Variants in KMT2C observed in about 807,000 individuals in gnomAD.
KMT2C encodes the protein histone-lysine N-methyltransferase 2C.
A neutral mutation model predicts 507.9 loss-of-function variants in KMT2C; 88 were observed. The ratio of observed to expected loss-of-function variants is 0.17; its 90% CI spans 0.15 to 0.21. The LOEUF is 0.21. Among genes scored for constraint, KMT2C ranks in the 10% least tolerant of loss-of-function variants. The pLI is 1.00. For synonymous variants in KMT2C, 2,049 were observed against 2,080.8 expected (o/e 0.98, Z 0.42); for missense variants, 4,954 against 5,957.8 (o/e 0.83, Z 5.55).
At chr7:152,296,863 G>A (rs1335831022) in intron 6 of KMT2C, among the ~76,000 whole-genome samples, 4 of 151,764 alleles carry the variant, frequency 2.6e-5, no homozygotes, top group African/African-American at 7.3e-5. Flanking sequence ...GACATGGCAG[G>A]GCATGGTGGC....
chr7:152,233,929 G>A (rs2095199725), intron 16 of KMT2C, among the ~76,000 whole-genome samples: 1 of 152,208 alleles, frequency 6.6e-6, no homozygotes, highest in South Asian at 2.1e-4. Flanking sequence ...GAGGCCAGGA[G>A]TTCGAGACCA....
Position 152,182,565 on chromosome 7 carries a change from A to C in KMT2C, c.5295T>G (p.Ala1765=). The change falls in exon 36 of 59, where the codon GCT becomes GCG. Residue 1765 remains alanine, a synonymous_variant. Transcript: ENST00000262189. ...QQMRQKSKQQ[A]KIEATQKLEQ... is the part of the protein sequence containing the mutation. ...CAAGTTTCTGTGTGGCTTCAATTTTAGCTTGCTGCTTACTTTTCTGACGCA... is the reference window on the plus strand; with the variant it reads ...CAAGTTTCTGTGTGGCTTCAATTTTCGCTTGCTGCTTACTTTTCTGACGCA... 1 of 1,589,950 alleles carries C rather than the reference A, an allele frequency of 6.3e-7. No homozygotes were observed. The highest frequency in any genetic ancestry group is 8.6e-7 in the Non-Finnish European group (1 of 1,167,322).
At chr7:152,317,343 G>A (rs1368836010) in intron 3 of KMT2C, among the ~76,000 whole-genome samples, 1 of 152,042 alleles carries the variant, frequency 6.6e-6, no homozygotes, top group Admixed American at 6.6e-5. Flanking sequence ...GAGGTCAAGG[G>A]AAATTTCTAG....
chr7:152,262,163 T>TG (rs1460174142), intron 9 of KMT2C, among the ~76,000 whole-genome samples: 1 of 152,152 alleles, frequency 6.6e-6, no homozygotes, highest in Non-Finnish European at 1.5e-5. Context: ...GCTGGGGACC[T>TG]GGGGTTCTGG....
At position 152,148,258 on chromosome 7, in the gene KMT2C, T is replaced by A. The variant is rs2129095010; in HGVS notation, c.13669A>T (p.Thr4557Ser). 6.2e-7 allele frequency: 1 copy of A among 1,614,232 alleles called. No individual in the cohort carries two copies. ...TFRVGSLIFH[T>S]IGQLLPQQMQ... ...TGCTGTGGAAGCAGCTGACCAATTG[T>A]GTGGAAGATGAGGCTACCCACGCGA... Residue 4557 changes from threonine (T) to serine (S), a missense_variant, in exon 52 of 59, where the codon ACA becomes TCA. By Grantham distance (58) the Thr-to-Ser change is moderately conservative (BLOSUM62 1). Around this residue, in one of 29 missense-constraint regions of KMT2C, gnomAD observed 221 missense variants for 304.7 expected, o/e 0.73. Coordinates refer to ENST00000262189, the MANE Select transcript of KMT2C (RefSeq NM_170606.3). This position sits in a 1 kb window ranked among gnomAD's most constrained non-coding sequence, Gnocchi z 7.1.
At chr7:152,326,987 C>T (rs928532926) in intron 3 of KMT2C, among the ~76,000 whole-genome samples, 1 of 152,134 alleles carries the variant, frequency 6.6e-6, no homozygotes, top group South Asian at 2.1e-4. Context: ...GTCAAAAAGT[C>T]GGAGCTTGGA....
intron 37 of KMT2C, 61 bp downstream of exon 37, chr7:152,179,773 C>T (rs2093368647): frequency 1.3e-6 from 2 of 1,509,586 alleles, no homozygotes; most frequent in Non-Finnish European, 9.2e-7. Context: ...AGCCACCACA[C>T]CCAGCTCTGT....
At position 152,307,278 on chromosome 7, in the gene KMT2C, A is replaced by AAAGGAAGGAAGGAAGG. The variant is rs35363127; in HGVS notation, c.849+2672_849+2687dup. ...GGTAGGAAGGAAGGAAGGAAGAAAG[A>AAAGGAAGGAAGGAAGG]AAGGAAGGAAGGAAGGAAGGAAGGA... On this transcript the variant is annotated intron_variant, in intron 6 of 58. Transcript: ENST00000262189. Among the ~76,000 whole-genome samples the AAAGGAAGGAAGGAAGG allele has an allele frequency of 1.6e-3, 167 of 107,452 alleles. 1 individual carries two copies. The highest frequency in any genetic ancestry group is 2.8e-3 in the African/African-American group (65 of 23,020). 70.5% of individuals were successfully genotyped at this position (107,452 alleles called of 152,430 possible). A position where few individuals can be genotyped will look rare whatever the true frequency, so the allele number is the denominator to read the frequency against.
chr7:152,366,773 C>CGCT (rs1217903066), intron 1 of KMT2C: 1 of 201,284 alleles, frequency 5.0e-6, no homozygotes, highest in Admixed American at 6.0e-5. Flanking sequence ...TGTAACCAGC[C>CGCT]GCTGAGCTGC....
chr7:152,404,219 T>C (rs2097591565), intron 1 of KMT2C, among the ~76,000 whole-genome samples: 4 of 151,102 alleles, frequency 2.6e-5, no homozygotes, highest in African/African-American at 9.9e-5. Flanking sequence ...AGAACATTGA[T>C]CTTTTAATGA....
At chr7:152,408,122 T>C (rs1057387141) in intron 1 of KMT2C, among the ~76,000 whole-genome samples, 6 of 152,042 alleles carry the variant, frequency 3.9e-5, no homozygotes, top group African/African-American at 1.2e-4. Context: ...ACCCCGTTTC[T>C]ACTAAAAATA....
chr7:152,266,411 A>T (rs2095858984), intron 7 of KMT2C, among the ~76,000 whole-genome samples: 1 of 151,914 alleles, frequency 6.6e-6, no homozygotes, highest in Admixed American at 6.6e-5. Flanking sequence ...TGCCCATCTA[A>T]TTTTTATATT....
intron 48 of KMT2C, among the ~76,000 whole-genome samples, chr7:152,153,706 C>A (rs1279444287): frequency 1.4e-5 from 2 of 138,766 alleles, no homozygotes; most frequent in Non-Finnish European, 3.1e-5. Flanking sequence ...CCAGCCTGGG[C>A]AACAGAAGGA....
rs773458258 is a variant in KMT2C, at chr7:152,152,815, C to T, written c.12416G>A (p.Arg4139Gln). 12 of 1,614,088 alleles carry T rather than the reference C, an allele frequency of 7.4e-6. No homozygotes were observed. The South Asian group carries it at 8.8e-5, about 12-fold the overall frequency. Residue 4139 changes from arginine to glutamine, a missense_variant, in exon 49 of 59, where the codon CGA becomes CAA. This residue lies in a region of KMT2C where 417 missense variants were observed against 461.1 expected (regional missense o/e 0.90). Transcript: ENST00000262189. Reference protein sequence around the residue: ...SHRINPGLEYRQHLLLRGPPP... With the variant: ...SHRINPGLEYQQHLLLRGPPP... ...AGGCCCACGGAGAAGTAAATGCTGT[C>T]GATACTCCAAACCCGGGTTGATTCT...
chr7:152,345,587 C>T (rs767441766), intron 2 of KMT2C, among the ~76,000 whole-genome samples: 1 of 152,270 alleles, frequency 6.6e-6, no homozygotes, highest in East Asian at 1.9e-4. Flanking sequence ...TGCAATGGCA[C>T]GATCTCAGCT....
At chr7:152,406,175 C>A (rs796462375) in intron 1 of KMT2C, among the ~76,000 whole-genome samples, 3,915 of 107,474 alleles carry the variant, frequency 0.036, no homozygotes, top group East Asian at 0.093. Context: ...CTGGGTGCAG[C>A]TGGCGTATGC....
In KMT2C at chr7:152,135,635, CA is replaced by C. The variant is rs987147144; in HGVS notation, c.*1196del. On this transcript the variant is annotated 3_prime_UTR_variant, in exon 59 of 59. Transcript: ENST00000262189. ...TCTGTGGCTGAAACAAAGTTCTAAT[CA>C]AAACTACTTTTGCTGAAGAAAAAAT... is the stretch of plus-strand genomic sequence containing the variant. The C allele has an allele frequency of 1.3e-5, 3 of 226,278 alleles. No individual in the cohort carries two copies. The highest frequency in any genetic ancestry group is 6.7e-5 in the African/African-American group (3 of 44,830). The allele number at this position is 226,278 out of a possible 1,614,324, so 14.0% of individuals were successfully genotyped here. A position where few individuals can be genotyped will look rare whatever the true frequency, so the allele number is the denominator to read the frequency against.
chr7:152,372,294 T>TAC (rs1248706662), intron 1 of KMT2C, among the ~76,000 whole-genome samples: 3 of 152,030 alleles, frequency 2.0e-5, no homozygotes, highest in Admixed American at 2.0e-4. Flanking sequence ...TAACTGGGAT[T>TAC]ACAGGCGCCC....
At chr7:152,301,223 G>T (rs1428944782) in intron 6 of KMT2C, among the ~76,000 whole-genome samples, 1 of 150,872 alleles carries the variant, frequency 6.6e-6, no homozygotes, top group Non-Finnish European at 1.5e-5. Flanking sequence ...AAGAAAAGTT[G>T]GCCGGGTGTG....
Sources: allele counts gnomAD v4.1 joint callset (sites outside exome capture counted in the v4.1 genomes callset), GRCh38; gene constraint gnomAD v4.1.1; regional missense constraint gnomAD v4.1.1; non-coding constraint Gnocchi (gnomAD v3.1); transcripts MANE v1.5; gene names NCBI Gene and HGNC (gene_info 2026-07-23, HGNC 2026-07-21).